ATP10D: variants seen among roughly 807,000 people sequenced by gnomAD.
The protein encoded by ATP10D is phospholipid-transporting ATPase VD.
In ATP10D, 89 loss-of-function variants were observed where a neutral mutation model predicts 144.8. That is an observed-to-expected ratio of 0.61 (90% CI 0.52 to 0.73). The LOEUF (loss-of-function observed/expected upper bound fraction) is 0.73, where lower values mean the gene tolerates loss of function less well. Among genes scored for constraint, ATP10D ranks in the 30% least tolerant of loss-of-function variants. ATP10D has a pLI of 0.00. For synonymous variants in ATP10D, 571 were observed against 615.1 expected, an observed-to-expected ratio of 0.93 and a Z score of 1.06; for missense variants, 1,603 against 1,714.8, an observed-to-expected ratio of 0.93 and a Z score of 1.15.
chr4:47,554,861 T>C lies in ATP10D; in HGVS notation c.1771T>C (p.Leu591=), dbSNP rs151273464. 1.3e-5 allele frequency: 21 copies of C among 1,614,058 alleles called. No homozygotes were observed. Among genetic ancestry groups the C allele is most frequent in the East Asian group, 8.9e-5 (4 of 44,878 alleles). Residue 591 remains leucine, a synonymous_variant, in exon 11 of 23, where the codon TTG becomes CTG. Coordinates refer to ENST00000273859, the MANE Select transcript of ATP10D (RefSeq NM_020453.4). The part of the protein sequence containing the change: ...TLYIIDFFIA[L]AICNTVVVSA... ...GTACATTATCGACTTTTTCATTGCA[T>C]TGGCAATTTGCAACACAGTAGTGGT...
intron 1 of ATP10D, among the ~76,000 whole-genome samples, chr4:47,487,994 C>T (rs529890631): frequency 6.0e-4 from 91 of 152,156 alleles, no homozygotes; most frequent in African/African-American, 2.1e-3. Context: ...AAAACAAAAC[C>T]TGTGAATGTT....
chr4:47,558,770 A>T (rs1186926575), intron 12 of ATP10D, among the ~76,000 whole-genome samples, 153 bp from the exon 13 acceptor site: 1 of 152,220 alleles, frequency 6.6e-6, no homozygotes, highest in Non-Finnish European at 1.5e-5. Flanking sequence ...ATTTATTCTG[A>T]GTGGTCCCTT....
chr4:47,525,181 A>G (rs146153816), intron 4 of ATP10D, among the ~76,000 whole-genome samples: 139 of 152,352 alleles, frequency 9.1e-4, no homozygotes, highest in African/African-American at 3.2e-3. Flanking sequence ...GAGTGTTCAC[A>G]TATACATTTA....
In ATP10D at chr4:47,546,823, A is replaced by G; in HGVS notation, c.1596A>G (p.Glu532=). The part of the protein sequence containing the change: ...FTLGSGEGAS[E]VPHSRQAAFS... ...TAGGAAGTGGAGAAGGAGCCAGTGAAGTGCCTCATTCCAGACAGGCTGCTT... is the reference window on the plus strand; with the variant it reads ...TAGGAAGTGGAGAAGGAGCCAGTGAGGTGCCTCATTCCAGACAGGCTGCTT... Residue 532 remains glutamate, a synonymous_variant, in exon 10 of 23, where the codon GAA becomes GAG. Transcript: ENST00000273859. The G allele has an allele frequency of 6.2e-7, 1 of 1,613,302 alleles. No homozygotes were observed. Among genetic ancestry groups the G allele is most frequent in the South Asian group, 1.1e-5 (1 of 91,028 alleles).
chr4:47,564,480 C>T lies in ATP10D; in HGVS notation c.2853+715C>T, dbSNP rs1719495533. Among the ~76,000 whole-genome samples, 2 of 151,998 alleles carry T rather than the reference C, an allele frequency of 1.3e-5. 1 individual carries two copies. The highest frequency in any genetic ancestry group is 2.9e-5 in the Non-Finnish European group (2 of 68,000). ...AAAAAGTGATAGTTTTTATTGAAAT[C>T]AGGTGAATAAATTATTAAATATTTT... is the stretch of plus-strand genomic sequence containing the variant. On this transcript the variant is annotated intron_variant, in intron 15 of 22. Coordinates refer to ENST00000273859, the MANE Select transcript of ATP10D (RefSeq NM_020453.4).
intron 5 of ATP10D, among the ~76,000 whole-genome samples, chr4:47,529,734 G>A (rs1251375631): frequency 1.3e-5 from 2 of 152,068 alleles, no homozygotes; most frequent in Non-Finnish European, 2.9e-5. Context: ...TTTGGGCAGT[G>A]TGGACATTTT....
chr4:47,512,923 C>T, intron 2 of ATP10D, 93 bp downstream of exon 2: 1 of 1,219,486 alleles, frequency 8.2e-7, no homozygotes, highest in Non-Finnish European at 1.1e-6. Flanking sequence ...ATTACTTAAA[C>T]CTAAGACATG....
intron 1 of ATP10D, among the ~76,000 whole-genome samples, chr4:47,486,957 G>A (rs563193886): frequency 1.3e-5 from 2 of 152,114 alleles, no homozygotes; most frequent in African/African-American, 2.4e-5. Flanking sequence ...AGGGCCGGGC[G>A]CAGTGGCTCA....
intron 18 of ATP10D, among the ~76,000 whole-genome samples, chr4:47,575,768 G>T (rs1169024327): frequency 6.6e-6 from 1 of 152,126 alleles, no homozygotes; most frequent in Admixed American, 6.6e-5. Flanking sequence ...CAGGTGGCTT[G>T]TAAACAACAT....
intron 6 of ATP10D, 59 bp from the exon 7 acceptor site, chr4:47,535,843 G>T (rs1717818058): frequency 1.3e-6 from 2 of 1,538,074 alleles, no homozygotes; most frequent in South Asian, 1.2e-5. Context: ...TTTTAAATAT[G>T]GTATTCGCTT....
intron 17 of ATP10D, 33 bp downstream of exon 17, chr4:47,572,263 C>T (rs1719992410): frequency 2.2e-5 from 34 of 1,570,326 alleles, no homozygotes; most frequent in African/African-American, 5.4e-5. Flanking sequence ...AGTTCTGTGG[C>T]CTTGACCTGC....
intron 5 of ATP10D, 114 bp from the exon 6 acceptor site, chr4:47,535,395 T>C (rs1434116367): frequency 5.4e-6 from 4 of 736,334 alleles, no homozygotes; most frequent in South Asian, 2.5e-5. Context: ...TTGAAAACTT[T>C]CTTGTGAAAT....
Position 47,558,054 on chromosome 4 carries a change from G to T in ATP10D, c.2215G>T (p.Ala739Ser), listed in dbSNP as rs1447346324. 1.9e-6 allele frequency: 3 copies of T among 1,614,082 alleles called. No homozygotes were observed. In the Admixed American group the frequency reaches 5.0e-5, roughly 27 times the overall value. Residue 739 changes from alanine to serine, a missense_variant, in exon 12 of 23, where the codon GCT becomes TCT. Coordinates refer to ENST00000273859, the MANE Select transcript of ATP10D (RefSeq NM_020453.4). ...AGCGGCCTTAGTGTATGCCGCCAGG[G>T]CTTACCAATGCACTTTACGGTCTCG... ...DEAALVYAAR[A>S]YQCTLRSRTP...
chr4:47,528,745 G>A (rs988553603), intron 5 of ATP10D, among the ~76,000 whole-genome samples: 7 of 152,114 alleles, frequency 4.6e-5, no homozygotes, highest in Admixed American at 1.3e-4. Context: ...GTTATCCACA[G>A]GGGTTATACT....
chr4:47,509,032 G>A (rs553222751), intron 1 of ATP10D, among the ~76,000 whole-genome samples: 4 of 152,226 alleles, frequency 2.6e-5, no homozygotes, highest in Non-Finnish European at 2.9e-5. Context: ...AATAACAGAG[G>A]CTTCTCCAAG....
chr4:47,492,636 A>T (rs1255675505), intron 1 of ATP10D, among the ~76,000 whole-genome samples: 3 of 152,170 alleles, frequency 2.0e-5, no homozygotes, highest in Non-Finnish European at 4.4e-5. Flanking sequence ...TCATGTGCTG[A>T]AGTAATTTTT....
rs1231080197 is a variant in ATP10D, at chr4:47,512,504, G to A, written c.-37G>A. On this transcript the variant is annotated splice_region_variant and 5_prime_UTR_variant, in exon 2 of 23. Transcript: ENST00000273859. ...AGTGTGGTTTTTGTTTGTTTGCCAG[G>A]TCAGCTACACAACCTGGATCTTACC... 1 of 1,553,180 alleles carries A rather than the reference G, an allele frequency of 6.4e-7. No homozygotes were observed. The highest frequency in any genetic ancestry group is 8.7e-7 in the Non-Finnish European group (1 of 1,145,744).
At chr4:47,537,362 C>T (rs1717910730) in intron 9 of ATP10D, among the ~76,000 whole-genome samples, 1 of 152,120 alleles carries the variant, frequency 6.6e-6, no homozygotes, top group Non-Finnish European at 1.5e-5. Flanking sequence ...CTAGTTTAAG[C>T]AAAATGAGCT....
At chr4:47,487,475 TC>T (rs766714808) in intron 1 of ATP10D, among the ~76,000 whole-genome samples, 6 of 152,126 alleles carry the variant, frequency 3.9e-5, no homozygotes, top group Non-Finnish European at 8.8e-5. Flanking sequence ...TGAAGAAGAA[TC>T]AAAGAAAATG....
Sources: gnomAD v4.1 joint callset for allele counts (sites outside exome capture counted in the v4.1 genomes callset) on GRCh38, gnomAD v4.1.1 for gene constraint, MANE v1.5 for transcripts, NCBI Gene and HGNC (gene_info 2026-07-23, HGNC 2026-07-21) for gene names.